The following NSRP1 variants were observed in gnomAD, a reference collection of about 807,000 sequenced individuals.
NSRP1 encodes the protein nuclear speckle splicing regulatory protein 1, also known as coiled-coil domain containing 55.
NSRP1 carries 24 observed loss-of-function variants against 54.7 expected under a neutral mutation model. That is an observed-to-expected ratio of 0.44 (90% CI 0.32 to 0.62). The LOEUF is 0.62. Among genes scored for constraint, NSRP1 ranks in the 20% least tolerant of loss-of-function variants. The pLI is 0.06. For missense variants in NSRP1, 596 were observed against 651.2 expected (o/e 0.92, Z 0.92); for synonymous variants, 210 against 213.8 (o/e 0.98, Z 0.15).
At chr17:30,184,507 A>G in intron 6 of NSRP1, 108 bp from the exon 7 acceptor site, 1 of 1,357,592 alleles carries the variant, frequency 7.4e-7, no homozygotes, top group Non-Finnish European at 9.8e-7. Context: ...ATATCACTAT[A>G]GGTGTATTGA....
intron 1 of NSRP1, 156 bp downstream of exon 1, chr17:30,117,019 C>A: frequency 1.0e-6 from 1 of 962,598 alleles, no homozygotes. Flanking sequence ...CATAGATTCC[C>A]CTCCCCCGTA....
At position 30,121,929 on chromosome 17, in the gene NSRP1, A is replaced by G. The variant is rs373726565; in HGVS notation, c.114+3756A>G. Among the ~76,000 whole-genome samples, 16 of 152,176 alleles carry G rather than the reference A, an allele frequency of 1.1e-4. No individual in the cohort carries two copies. The South Asian group carries it at 3.3e-3, about 32-fold the overall frequency. The stretch of plus-strand genomic sequence containing the variant: ...ACTGTTTAGAACATTTTCCTCACCC[A>G]GAAAGAAACTGTGTACCCATTACCA... On this transcript the variant is annotated intron_variant, in intron 2 of 6. Transcript: ENST00000247026.
At chr17:30,127,067 T>G (rs559145840) in intron 2 of NSRP1, among the ~76,000 whole-genome samples, 1 of 152,352 alleles carries the variant, frequency 6.6e-6, no homozygotes, top group African/African-American at 2.4e-5. Context: ...TAAATGTGTT[T>G]TAATAAAATT....
At chr17:30,142,790 G>A (rs577408124) in intron 2 of NSRP1, among the ~76,000 whole-genome samples, 1 of 152,120 alleles carries the variant, frequency 6.6e-6, no homozygotes, top group Non-Finnish European at 1.5e-5. Flanking sequence ...TTTGACTGTC[G>A]TATTTGATAT....
At chr17:30,140,264 A>G (rs1205385645) in intron 2 of NSRP1, among the ~76,000 whole-genome samples, 1 of 152,168 alleles carries the variant, frequency 6.6e-6, no homozygotes, top group African/African-American at 2.4e-5. Context: ...GAAATGGGTT[A>G]TTTTATAGTG....
At position 30,157,185 on chromosome 17, in the gene NSRP1, C is replaced by A. The variant is rs139001341; in HGVS notation, c.115-15357C>A. On this transcript the variant is annotated intron_variant, in intron 2 of 6. Transcript: ENST00000247026. ...TTTTGTCTTTTTGATAATAGCTATT[C>A]TAACTGGGTAAGATGATATCATTGT... 4.6e-3 allele frequency among the ~76,000 whole-genome samples: 696 copies of A among 152,204 alleles called. 3 individuals carry two copies. Among genetic ancestry groups the A allele is most frequent in the Middle Eastern group, 0.014 (4 of 294 alleles).
At chr17:30,118,465 A>G (rs763740392) in intron 2 of NSRP1, among the ~76,000 whole-genome samples, 1 of 152,220 alleles carries the variant, frequency 6.6e-6, no homozygotes, top group Non-Finnish European at 1.5e-5. Flanking sequence ...AGTTATTAAG[A>G]TGTCACCAAT....
chr17:30,145,758 T>G (rs921593811), intron 2 of NSRP1, among the ~76,000 whole-genome samples: 24 of 152,170 alleles, frequency 1.6e-4, no homozygotes, highest in Admixed American at 9.2e-4. Context: ...TTTTCCTGAT[T>G]TGTGGGTCAT....
intron 3 of NSRP1, among the ~76,000 whole-genome samples, chr17:30,176,608 C>T (rs1446358149): frequency 1.0e-5 from 1 of 98,792 alleles, no homozygotes. Flanking sequence ...AGACTTCGTC[C>T]CCCCCCCCCC....
intron 2 of NSRP1, among the ~76,000 whole-genome samples, chr17:30,138,511 G>A (rs139853311): frequency 3.3e-5 from 5 of 152,184 alleles, no homozygotes; most frequent in African/African-American, 1.2e-4. Flanking sequence ...CTAATACAAT[G>A]TAAATACTAT....
intron 2 of NSRP1, among the ~76,000 whole-genome samples, chr17:30,163,673 T>G (rs560549718): frequency 7.1e-6 from 1 of 140,344 alleles, no homozygotes; most frequent in South Asian, 2.2e-4. Context: ...GCCTATACTT[T>G]GACCACTTTT....
chr17:30,119,481 G>T (rs1416980663), intron 2 of NSRP1, among the ~76,000 whole-genome samples: 1 of 150,898 alleles, frequency 6.6e-6, no homozygotes, highest in African/African-American at 2.4e-5. Flanking sequence ...AAAGTGTTGG[G>T]ATTACAGGCA....
At chr17:30,166,644 C>T (rs2143007284) in intron 2 of NSRP1, among the ~76,000 whole-genome samples, 1 of 152,268 alleles carries the variant, frequency 6.6e-6, no homozygotes, top group Non-Finnish European at 1.5e-5. Flanking sequence ...TCACCCTGGC[C>T]AGGTGCAGTG....
At chr17:30,134,284 ACAG>A in intron 2 of NSRP1, among the ~76,000 whole-genome samples, 1 of 152,360 alleles carries the variant, frequency 6.6e-6, no homozygotes, top group Admixed American at 6.5e-5. Context: ...ATTGTTGATT[ACAG>A]ATCATTGTAA....
chr17:30,180,824 G>A, intron 5 of NSRP1, 84 bp from the exon 6 acceptor site: 1 of 866,886 alleles, frequency 1.2e-6, no homozygotes, highest in Non-Finnish European at 1.9e-6. Context: ...TTTACACACT[G>A]TATGTTATAT....
chr17:30,136,450 T>C (rs961319177), intron 2 of NSRP1, among the ~76,000 whole-genome samples: 2 of 152,212 alleles, frequency 1.3e-5, no homozygotes, highest in East Asian at 1.9e-4. Context: ...ATGTTAGATA[T>C]GGCTTTACGT....
intron 2 of NSRP1, among the ~76,000 whole-genome samples, chr17:30,124,922 G>A (rs773908315): frequency 5.3e-5 from 8 of 152,130 alleles, no homozygotes; most frequent in Non-Finnish European, 1.0e-4. Context: ...GATTTGGCCA[G>A]TCATGGTGGC....
At chr17:30,145,062 T>C (rs1316481268) in intron 2 of NSRP1, among the ~76,000 whole-genome samples, 1 of 152,218 alleles carries the variant, frequency 6.6e-6, no homozygotes, top group African/African-American at 2.4e-5. Flanking sequence ...TGTGTTACAG[T>C]ATGTATACCT....
chr17:30,131,828 A>G (rs1212768844), intron 2 of NSRP1, among the ~76,000 whole-genome samples: 1 of 152,206 alleles, frequency 6.6e-6, no homozygotes, highest in African/African-American at 2.4e-5. Context: ...GTAGAACTTT[A>G]AAAATTGGAG....
Sources: allele counts gnomAD v4.1 joint callset (sites outside exome capture counted in the v4.1 genomes callset), GRCh38; gene constraint gnomAD v4.1.1; transcripts MANE v1.5; gene names NCBI Gene and HGNC (gene_info 2026-07-23, HGNC 2026-07-21).